The following OR51M1 variants were observed in gnomAD, a reference collection of about 807,000 sequenced individuals.
OR51M1 encodes olfactory receptor family 51 subfamily M member 1.
For missense variants in OR51M1, 509 were observed against 404.4 expected (o/e 1.26, Z -2.22); for synonymous variants, 199 against 155.1 (o/e 1.28, Z -2.10).
chr11:5,389,846 GGCCA>G lies in OR51M1; in HGVS notation c.451_454del (p.Gln151LysfsTer7), dbSNP rs1849765451. 1.2e-6 allele frequency: 2 copies of G among 1,613,820 alleles called. No individual in the cohort carries two copies. Among genetic ancestry groups the G allele is most frequent in the Non-Finnish European group, 1.7e-6 (2 of 1,179,890 alleles). ...TCTGAGGTATTCGGTCATTATCACTGGCCAGCAAGTGGTCAGAGCAGGCCTAATT... is the reference window on the plus strand; with the variant it reads ...TCTGAGGTATTCGGTCATTATCACTGGCAAGTGGTCAGAGCAGGCCTAATT... On this transcript the variant is annotated frameshift_variant, in exon 3 of 3. Coordinates refer to ENST00000642046, the MANE Select transcript of OR51M1 (RefSeq NM_001004756.3). LOFTEE classifies it low-confidence loss of function (END_TRUNC).
At chr11:5,385,569 C>T (rs1047143809) in intron 2 of OR51M1, 111 bp downstream of exon 2, 1 of 151,910 alleles carries the variant, frequency 6.6e-6, no homozygotes, top group Non-Finnish European at 1.5e-5. Flanking sequence ...TTAGAGAATT[C>T]CAGTCTAATC....
At chr11:5,385,805 A>G (rs1438479717) in intron 2 of OR51M1, among the ~76,000 whole-genome samples, 1 of 142,496 alleles carries the variant, frequency 7.0e-6, no homozygotes, top group Non-Finnish European at 1.5e-5. Flanking sequence ...TATATATAAA[A>G]AATCTATAAA....
At chr11:5,386,244 G>T (rs17272469) in intron 2 of OR51M1, among the ~76,000 whole-genome samples, 10,474 of 152,024 alleles carry the variant, frequency 0.069, 545 homozygotes, top group Non-Finnish European at 0.1. Context: ...TGATATGGGT[G>T]TGTTGACTGG....
In OR51M1 at chr11:5,391,843, A is replaced by G. The variant is rs950442238; in HGVS notation, c.*1464A>G. 6.6e-6 allele frequency: 1 copy of G among 152,236 alleles called. No individual in the cohort carries two copies. The highest frequency in any genetic ancestry group is 1.5e-5 in the Non-Finnish European group (1 of 68,096). 9.4% of individuals were successfully genotyped at this position (152,236 alleles called of 1,614,324 possible). ...GAGTTTGAGACCAACTTCAGGCAAG[A>G]AGATTACTTGAGTCCAGGAGTTTGA... On this transcript the variant is annotated 3_prime_UTR_variant, in exon 3 of 3. Coordinates refer to ENST00000642046, the MANE Select transcript of OR51M1 (RefSeq NM_001004756.3).
At chr11:5,388,865 T>C (rs10768903) in intron 2 of OR51M1, among the ~76,000 whole-genome samples, 118,368 of 151,566 alleles carry the variant, frequency 0.78, 46,620 homozygotes, top group Middle Eastern at 0.84. Context: ...ACAGAAACCC[T>C]AGGACTTGGT....
At chr11:5,386,238 A>T (rs936680657) in intron 2 of OR51M1, among the ~76,000 whole-genome samples, 2 of 151,942 alleles carry the variant, frequency 1.3e-5, no homozygotes, top group Non-Finnish European at 2.9e-5. Flanking sequence ...AAAAAATGAT[A>T]TGGGTGTGTT....
chr11:5,385,096 C>A (rs1323466423), intron 1 of OR51M1, among the ~76,000 whole-genome samples: 1 of 152,172 alleles, frequency 6.6e-6, no homozygotes, highest in Non-Finnish European at 1.5e-5. Context: ...TACTGAAAAT[C>A]TCTTTTCAGG....
intron 2 of OR51M1, among the ~76,000 whole-genome samples, chr11:5,387,155 A>G (rs1485085577): frequency 2.6e-5 from 4 of 152,182 alleles, no homozygotes; most frequent in African/African-American, 4.8e-5. Flanking sequence ...TATTTGAGCA[A>G]TGGAAATAAG....
chr11:5,392,650 C>T lies in OR51M1; in HGVS notation c.*2271C>T, dbSNP rs188950208. ...ATATCTGGCTGGGCGCGGTGGCTCA[C>T]GCCTGTAATCCCAGCACTCTGGGAG... On this transcript the variant is annotated 3_prime_UTR_variant, in exon 3 of 3. Coordinates refer to ENST00000642046, the MANE Select transcript of OR51M1 (RefSeq NM_001004756.3). 479 of 152,360 alleles carry T rather than the reference C, an allele frequency of 3.1e-3. 1 individual carries two copies. The highest frequency in any genetic ancestry group is 5.2e-3 in the Non-Finnish European group (352 of 68,056). The allele number at this position is 152,360 out of a possible 1,614,324, so 9.4% of individuals were successfully genotyped here. A position where few individuals can be genotyped will look rare whatever the true frequency, so the allele number is the denominator to read the frequency against.
In OR51M1 at chr11:5,390,589, G is replaced by A. The variant is rs1849781199; in HGVS notation, c.*210G>A. ...TGGCTCCTCCTACAGCTGAGAACTGGCATTTTTGGTAGCATCAAAGCTATC... is the reference window on the plus strand; with the variant it reads ...TGGCTCCTCCTACAGCTGAGAACTGACATTTTTGGTAGCATCAAAGCTATC... On this transcript the variant is annotated 3_prime_UTR_variant, in exon 3 of 3. Coordinates refer to ENST00000642046, the MANE Select transcript of OR51M1 (RefSeq NM_001004756.3). 2 of 508,818 alleles carry A rather than the reference G, an allele frequency of 3.9e-6. No individual in the cohort carries two copies. The highest frequency in any genetic ancestry group is 3.7e-5 in the South Asian group (1 of 27,116). 31.5% of individuals were successfully genotyped at this position (508,818 alleles called of 1,614,324 possible).
intron 1 of OR51M1, among the ~76,000 whole-genome samples, chr11:5,384,720 T>C (rs982111879): frequency 6.6e-6 from 1 of 152,240 alleles, no homozygotes; most frequent in African/African-American, 2.4e-5. Context: ...AAATGCATTT[T>C]ATATGCTGGT....
Position 5,393,115 on chromosome 11 carries a change from A to T in OR51M1, c.*2736A>T, listed in dbSNP as rs1849821455. 6.6e-6 allele frequency: 1 copy of T among 152,208 alleles called. No homozygotes were observed. The highest frequency in any genetic ancestry group is 1.5e-5 in the Non-Finnish European group (1 of 68,030). 9.4% of individuals were successfully genotyped at this position (152,208 alleles called of 1,614,324 possible). A position where few individuals can be genotyped will look rare whatever the true frequency, so the allele number is the denominator to read the frequency against. ...CTGTCCTAAATAAATGATAAATTAA[A>T]AATTTAGGATGTAAGCTGTTTGTGG... is the stretch of plus-strand genomic sequence containing the variant. On this transcript the variant is annotated 3_prime_UTR_variant, in exon 3 of 3. Transcript: ENST00000642046.
At position 5,389,671 on chromosome 11, in the gene OR51M1, C is replaced by A. The variant is rs769386890; in HGVS notation, c.273C>A (p.Pro91=). Residue 91 remains proline (P), a synonymous_variant, in exon 3 of 3, where the codon CCC becomes CCA. Transcript: ENST00000642046. ...TDLGLCVSTL[P]TTMGIFWFNS... The stretch of plus-strand genomic sequence containing the variant: ...TGGGGCTGTGTGTGTCCACGTTGCC[C>A]ACCACTATGGGGATCTTCTGGTTTA... 1.9e-6 allele frequency: 3 copies of A among 1,613,476 alleles called. No individual in the cohort carries two copies. In the African/African-American group the frequency reaches 4.0e-5, roughly 22 times the overall value.
intron 2 of OR51M1, among the ~76,000 whole-genome samples, chr11:5,386,334 G>A (rs1275492206): frequency 1.3e-5 from 2 of 152,086 alleles, no homozygotes; most frequent in African/African-American, 4.8e-5. Flanking sequence ...AGGCTACCAG[G>A]GCCATGCATA....
intron 2 of OR51M1, 45 bp downstream of exon 2, chr11:5,385,503 A>AATATAT (rs35403463): frequency 6.6e-6 from 1 of 151,410 alleles, no homozygotes; most frequent in Non-Finnish European, 1.5e-5. Context: ...CATGCAAAAA[A>AATATAT]ATATATATAT....
intron 2 of OR51M1, among the ~76,000 whole-genome samples, chr11:5,387,974 A>G (rs1206855029): frequency 6.6e-6 from 1 of 152,146 alleles, no homozygotes; most frequent in African/African-American, 2.4e-5. Context: ...TGTAAAAGTA[A>G]TTGCAGTTCT....
At chr11:5,385,838 A>G (rs1849684126) in intron 2 of OR51M1, among the ~76,000 whole-genome samples, 1 of 147,966 alleles carries the variant, frequency 6.8e-6, no homozygotes, top group Admixed American at 6.8e-5. Flanking sequence ...TATATAATGT[A>G]TATACTAAAA....
intron 2 of OR51M1, among the ~76,000 whole-genome samples, chr11:5,387,701 G>C (rs1481861305): frequency 7.0e-6 from 1 of 143,676 alleles, no homozygotes; most frequent in Non-Finnish European, 1.5e-5. Flanking sequence ...TCTGCTTCAG[G>C]AACTTTCACT....
rs757034943 is a variant in OR51M1 at position 5,390,040 on chromosome 11, G to A, written c.642G>A (p.Val214=). 2 of 1,613,590 alleles carry A rather than the reference G, an allele frequency of 1.2e-6. No homozygotes were observed. Among genetic ancestry groups the A allele is most frequent in the African/African-American group, 1.3e-5 (1 of 75,044 alleles). Residue 214 remains valine, a synonymous_variant, in exon 3 of 3, where the codon GTG becomes GTA. Transcript: ENST00000642046. The part of the protein sequence containing the change: ...ITFNNLYGLM[V]VVFTVMLDLV... ...TCAATAATCTGTATGGACTGATGGT[G>A]GTAGTTTTCACTGTGATGCTGGACC... is the stretch of plus-strand genomic sequence containing the variant.
Sources: gnomAD v4.1 joint callset for allele counts (sites outside exome capture counted in the v4.1 genomes callset) on GRCh38, gnomAD v4.1.1 for gene constraint, MANE v1.5 for transcripts, NCBI Gene and HGNC (gene_info 2026-07-23, HGNC 2026-07-21) for gene names.